CRB1: variants seen among roughly 807,000 people sequenced by gnomAD.
The protein encoded by CRB1 is crumbs cell polarity complex component 1.
CRB1 carries 83 observed loss-of-function variants against 120.0 expected under a neutral mutation model. The ratio of observed to expected loss-of-function variants is 0.69; its 90% CI spans 0.58 to 0.83. The LOEUF (loss-of-function observed/expected upper bound fraction) is 0.83. Ranked by LOEUF, CRB1 falls within the 40% of genes least tolerant of loss-of-function variation. The pLI is 0.00. For missense variants in CRB1, 1,699 were observed against 1,687.6 expected, an observed-to-expected ratio of 1.01 and a Z score of -0.12; for synonymous variants, 625 against 612.5, an observed-to-expected ratio of 1.02 and a Z score of -0.30.
chr1:197,294,474 C>A (rs1301992851), intron 1 of CRB1, among the ~76,000 whole-genome samples: 2 of 152,156 alleles, frequency 1.3e-5, no homozygotes, highest in Non-Finnish European at 2.9e-5. Context: ...TAAACTAATT[C>A]AACCGTTGTG....
At chr1:197,352,576 T>A (rs1011609025) in intron 4 of CRB1, among the ~76,000 whole-genome samples, 1 of 152,086 alleles carries the variant, frequency 6.6e-6, no homozygotes, top group Admixed American at 6.6e-5. Context: ...TATGAAATAA[T>A]AATATTCAAA....
At position 197,427,809 on chromosome 1, in the gene CRB1, T is replaced by C; in HGVS notation, c.2484T>C (p.Asp828=). Residue 828 remains aspartate (D), a synonymous_variant, in exon 7 of 12, where the codon GAT becomes GAC. Transcript: ENST00000367400. ...SASTWKIEKG[D]VIYIGGLPDK... ...CTACGTGGAAAATCGAAAAGGGAGATGTCATCTACATTGGTGGCCTACCTG... is the reference window on the plus strand; with the variant it reads ...CTACGTGGAAAATCGAAAAGGGAGACGTCATCTACATTGGTGGCCTACCTG... 6.2e-7 allele frequency: 1 copy of C among 1,614,046 alleles called. No individual in the cohort carries two copies. The highest frequency in any genetic ancestry group is 8.5e-7 in the Non-Finnish European group (1 of 1,179,984).
At chr1:197,428,396 A>G (rs1305100704) in intron 7 of CRB1, among the ~76,000 whole-genome samples, 1 of 152,240 alleles carries the variant, frequency 6.6e-6, no homozygotes, top group Non-Finnish European at 1.5e-5. Context: ...TATTGTTTTG[A>G]ACTTTTATTA....
intron 11 of CRB1, among the ~76,000 whole-genome samples, chr1:197,477,157 G>A (rs111635198): frequency 1.6e-3 from 239 of 152,218 alleles, no homozygotes; most frequent in Non-Finnish European, 2.7e-3. Flanking sequence ...CGAGACCAGC[G>A]TATCACAGTC....
chr1:197,297,830 A>G (rs1477695328), intron 1 of CRB1, among the ~76,000 whole-genome samples: 1 of 152,130 alleles, frequency 6.6e-6, no homozygotes, highest in Non-Finnish European at 1.5e-5. Context: ...ATAAAAAAGA[A>G]TAGCTTTTAA....
chr1:197,212,079 C>T, the CRB1 span, among the ~76,000 whole-genome samples: 1 of 152,028 alleles, frequency 6.6e-6, no homozygotes, highest in Non-Finnish European at 1.5e-5. Flanking sequence ...CAATGAGATA[C>T]CACTATACAT....
At position 197,395,302 on chromosome 1, in the gene CRB1, C is replaced by T. The variant is rs551142137; in HGVS notation, c.1172-25698C>T. Among the ~76,000 whole-genome samples the T allele has an allele frequency of 2.4e-4, 36 of 152,188 alleles. No individual in the cohort carries two copies. In the South Asian group the frequency reaches 6.8e-3, roughly 29 times the overall value. The stretch of plus-strand genomic sequence containing the variant: ...ACTTTCTACAAGTTTCTTCTGACCT[C>T]CAAGTAATGTACATAATATCTGAAA... On this transcript the variant is annotated intron_variant, in intron 5 of 11. Transcript: ENST00000367400.
At chr1:197,294,262 C>A (rs1405054022) in intron 1 of CRB1, among the ~76,000 whole-genome samples, 2 of 152,076 alleles carry the variant, frequency 1.3e-5, no homozygotes, top group African/African-American at 4.8e-5. Flanking sequence ...AGGACATGAA[C>A]AGACAGTTCT....
the CRB1 span, among the ~76,000 whole-genome samples, chr1:197,239,042 G>A: frequency 6.6e-6 from 1 of 151,954 alleles, no homozygotes; most frequent in Non-Finnish European, 1.5e-5. Context: ...TTACTCTTCA[G>A]TTGTCCATTT....
At chr1:197,310,648 T>C (rs897711102) in intron 1 of CRB1, among the ~76,000 whole-genome samples, 9 of 152,154 alleles carry the variant, frequency 5.9e-5, no homozygotes, top group South Asian at 4.1e-4. Flanking sequence ...TCTATATAGA[T>C]ATAGATATAG....
intron 5 of CRB1, among the ~76,000 whole-genome samples, chr1:197,416,758 G>A (rs1664025421): frequency 1.3e-5 from 2 of 152,010 alleles, no homozygotes; most frequent in Admixed American, 1.3e-4. Flanking sequence ...TGCCCCGGCT[G>A]GAGTGCAGTG....
intron 1 of CRB1, among the ~76,000 whole-genome samples, chr1:197,316,979 T>G (rs956231550): frequency 1.3e-5 from 2 of 150,732 alleles, no homozygotes; most frequent in Non-Finnish European, 2.9e-5. Context: ...GAAAGATCTC[T>G]GCAATGAAAA....
chr1:197,444,402 G>T (rs1044579929), intron 11 of CRB1: 8 of 152,166 alleles, frequency 5.3e-5, no homozygotes, highest in Non-Finnish European at 8.8e-5. Context: ...TTGTTCCAAA[G>T]TTAAATTTTG....
the CRB1 span, among the ~76,000 whole-genome samples, chr1:197,204,975 C>G: frequency 6.6e-6 from 1 of 152,028 alleles, no homozygotes; most frequent in Non-Finnish European, 1.5e-5. Flanking sequence ...AGGATCACCT[C>G]CTTGGTTAGG....
chr1:197,260,664 A>G, the CRB1 span, among the ~76,000 whole-genome samples: 1 of 151,998 alleles, frequency 6.6e-6, no homozygotes, highest in Non-Finnish European at 1.5e-5. Context: ...AAGAATTAAG[A>G]TCAAATCTTT....
At chr1:197,201,697 T>C in the CRB1 span, among the ~76,000 whole-genome samples, 1 of 152,190 alleles carries the variant, frequency 6.6e-6, no homozygotes, top group Non-Finnish European at 1.5e-5. Context: ...CTCACTGGTG[T>C]ATTTAATAGT....
intron 11 of CRB1, among the ~76,000 whole-genome samples, chr1:197,446,754 C>G (rs1665719535): frequency 6.6e-6 from 1 of 152,098 alleles, no homozygotes; most frequent in African/African-American, 2.4e-5. Context: ...AAGTTTGAAG[C>G]ATGATTTTTT....
the CRB1 span, among the ~76,000 whole-genome samples, chr1:197,250,262 T>C: frequency 4.6e-5 from 7 of 151,992 alleles, no homozygotes; most frequent in African/African-American, 1.4e-4. Flanking sequence ...TCAAAACCCT[T>C]TACTATTATC....
At chr1:197,218,923 G>C in the CRB1 span, among the ~76,000 whole-genome samples, 2 of 152,144 alleles carry the variant, frequency 1.3e-5, no homozygotes, top group Non-Finnish European at 2.9e-5. Flanking sequence ...TAAGAGTTAG[G>C]AAAACAGATT....
Sources: allele counts gnomAD v4.1 joint callset (sites outside exome capture counted in the v4.1 genomes callset), GRCh38; gene constraint gnomAD v4.1.1; transcripts MANE v1.5; gene names NCBI Gene and HGNC (gene_info 2026-07-23, HGNC 2026-07-21).